PPARGC1B: variants seen among roughly 807,000 people sequenced by gnomAD.
PPARGC1B encodes the protein PPARG coactivator 1 beta.
A neutral mutation model predicts 101.6 loss-of-function variants in PPARGC1B; 34 were observed. The ratio of observed to expected loss-of-function variants is 0.33; its 90% confidence interval spans 0.25 to 0.45. The LOEUF is 0.45. Among genes scored for constraint, PPARGC1B ranks in the 20% least tolerant of loss-of-function variants. The pLI, the probability that PPARGC1B is intolerant of heterozygous loss-of-function variation, is 1.00. For synonymous variants in PPARGC1B, 548 were observed against 539.3 expected, an observed-to-expected ratio of 1.02 and a Z score of -0.22; for missense variants, 1,234 against 1,317.6, an observed-to-expected ratio of 0.94 and a Z score of 0.98.
In PPARGC1B at chr5:149,756,604, A is replaced by C. The variant is rs1363445727; in HGVS notation, c.78+26184A>C. 2.0e-5 allele frequency among the ~76,000 whole-genome samples: 3 copies of C among 152,234 alleles called. No individual in the cohort carries two copies. The East Asian group carries it at 5.8e-4, about 29-fold the overall frequency. Reference sequence around the variant, plus strand: ...GGCCTCGGGGACCAGCGTCAGGTCTAAATGTCAATTCTGTTGTCCCCTCCT... The same window carrying C: ...GGCCTCGGGGACCAGCGTCAGGTCTCAATGTCAATTCTGTTGTCCCCTCCT... On this transcript the variant is annotated intron_variant, in intron 1 of 11. Transcript: ENST00000309241.
intron 1 of PPARGC1B, among the ~76,000 whole-genome samples, chr5:149,807,617 G>GT (rs2113310652): frequency 6.6e-6 from 1 of 152,266 alleles, no homozygotes; most frequent in Non-Finnish European, 1.5e-5. Flanking sequence ...TAGGGCACGT[G>GT]TTTTGTAACT....
intron 1 of PPARGC1B, among the ~76,000 whole-genome samples, chr5:149,772,875 G>C (rs998217513): frequency 1.3e-5 from 2 of 152,160 alleles, no homozygotes; most frequent in South Asian, 2.1e-4. Flanking sequence ...TGGTGTGACA[G>C]TGTTTGTGAC....
chr5:149,833,509 C>T lies in PPARGC1B; in HGVS notation c.1436C>T (p.Ser479Phe). ...LESSVCPVRRSRRLNPELGPW... is the reference protein window; with the variant it reads ...LESSVCPVRRFRRLNPELGPW... ...AGCTCTGTGTGCCCCGTGCGGCGTT[C>T]TCGGAGACTGAACCCTGAGCTGGGC... The change falls in exon 5 of 12, where the codon TCT becomes TTT. Residue 479 changes from serine (S) to phenylalanine (F), a missense_variant. By Grantham distance (155) the Ser-to-Phe change is radical (BLOSUM62 -2). Around this residue, in one of 3 missense-constraint regions of PPARGC1B, gnomAD observed 734 missense variants for 768.4 expected, o/e 0.96. Coordinates refer to ENST00000309241, the MANE Select transcript of PPARGC1B (RefSeq NM_133263.4). The surrounding 1 kb of genome is among the most constrained non-coding windows in gnomAD (Gnocchi z 4.1). 6.4e-7 allele frequency: 1 copy of T among 1,566,218 alleles called. No individual in the cohort carries two copies. The highest frequency in any genetic ancestry group is 1.2e-5 in the South Asian group (1 of 85,544).
At chr5:149,794,523 T>TACACACAC (rs1757135699) in intron 1 of PPARGC1B, among the ~76,000 whole-genome samples, 1 of 57,058 alleles carries the variant, frequency 1.8e-5, no homozygotes. Context: ...TATGTGAGCG[T>TACACACAC]GCACACACAC....
chr5:149,798,501 TG>T (rs1173982206), intron 1 of PPARGC1B, among the ~76,000 whole-genome samples: 1 of 152,202 alleles, frequency 6.6e-6, no homozygotes, highest in African/African-American at 2.4e-5. Context: ...TCCAGGTATG[TG>T]ATCAGAGATA....
intron 1 of PPARGC1B, among the ~76,000 whole-genome samples, chr5:149,809,161 A>C (rs970575940): frequency 2.3e-4 from 28 of 123,150 alleles, no homozygotes; most frequent in African/African-American, 6.4e-4. Context: ...ATAGATAGAT[A>C]GATCCATCTC....
At chr5:149,838,276 G>T (rs997040130) in intron 8 of PPARGC1B, among the ~76,000 whole-genome samples, 7 of 152,060 alleles carry the variant, frequency 4.6e-5, no homozygotes, top group Non-Finnish European at 8.8e-5. Flanking sequence ...AATTTTAGGG[G>T]GTTTGTGGGC....
In PPARGC1B at chr5:149,745,227, T is replaced by G. The variant is rs192857125; in HGVS notation, c.78+14807T>G. On this transcript the variant is annotated intron_variant, in intron 1 of 11. Coordinates refer to ENST00000309241, the MANE Select transcript of PPARGC1B (RefSeq NM_133263.4). ...GCTTTGTGACTTTTTAGTTGTGTGA[T>G]CTAAGGAGTTAGATAGCTGCTCTGT... 1.6e-4 allele frequency among the ~76,000 whole-genome samples: 24 copies of G among 152,268 alleles called. No homozygotes were observed. In the Middle Eastern group the frequency reaches 0.014, roughly 86 times the overall value.
chr5:149,820,787 A>G (rs780895824), intron 2 of PPARGC1B, among the ~76,000 whole-genome samples, 181 bp downstream of exon 2: 5 of 152,156 alleles, frequency 3.3e-5, no homozygotes, highest in African/African-American at 2.4e-5. Flanking sequence ...CGCAGCGCAC[A>G]TGCCTCACCT....
intron 1 of PPARGC1B, among the ~76,000 whole-genome samples, chr5:149,737,564 G>T (rs1238476921): frequency 6.6e-6 from 1 of 152,194 alleles, no homozygotes; most frequent in Non-Finnish European, 1.5e-5. Context: ...CGCAGGGCCA[G>T]CAGAGCACTG....
intron 1 of PPARGC1B, among the ~76,000 whole-genome samples, chr5:149,816,030 C>A (rs547747903): frequency 4.1e-4 from 63 of 152,212 alleles, no homozygotes; most frequent in African/African-American, 1.4e-3. Context: ...ACTGGCAGGG[C>A]CTGTGGAAGC....
intron 1 of PPARGC1B, among the ~76,000 whole-genome samples, chr5:149,750,768 C>T (rs989156173): frequency 1.3e-5 from 2 of 152,192 alleles, no homozygotes; most frequent in African/African-American, 2.4e-5. Flanking sequence ...ATCTCTGGCC[C>T]GCACCAGCTG....
At chr5:149,791,772 G>A (rs909638892) in intron 1 of PPARGC1B, among the ~76,000 whole-genome samples, 1 of 152,174 alleles carries the variant, frequency 6.6e-6, no homozygotes, top group Non-Finnish European at 1.5e-5. Flanking sequence ...TTGGCCTGGT[G>A]TCCAGCAGTA....
At chr5:149,795,480 C>T (rs1382559224) in intron 1 of PPARGC1B, among the ~76,000 whole-genome samples, 1 of 152,162 alleles carries the variant, frequency 6.6e-6, no homozygotes, top group Non-Finnish European at 1.5e-5. Flanking sequence ...TGGAGAATTA[C>T]CTAAGAGAGG....
intron 1 of PPARGC1B, among the ~76,000 whole-genome samples, chr5:149,747,909 G>A (rs574811639): frequency 2.6e-5 from 4 of 152,158 alleles, no homozygotes; most frequent in African/African-American, 9.7e-5. Flanking sequence ...TGAGAGGCTA[G>A]AGCAGGCCCA....
At chr5:149,768,288 T>G (rs1755992565) in intron 1 of PPARGC1B, among the ~76,000 whole-genome samples, 1 of 152,182 alleles carries the variant, frequency 6.6e-6, no homozygotes, top group South Asian at 2.1e-4. Context: ...GATAGGGTTT[T>G]TCTTTAGACA....
intron 1 of PPARGC1B, among the ~76,000 whole-genome samples, chr5:149,782,820 A>G (rs764336551): frequency 2.6e-5 from 4 of 152,184 alleles, no homozygotes; most frequent in Non-Finnish European, 5.9e-5. Context: ...CAGGTTCCCT[A>G]TTGTGAACCC....
At chr5:149,772,742 T>A (rs1293110395) in intron 1 of PPARGC1B, among the ~76,000 whole-genome samples, 1 of 152,146 alleles carries the variant, frequency 6.6e-6, no homozygotes, top group Non-Finnish European at 1.5e-5. Context: ...ACAGTCACAT[T>A]TTGAGGTAGT....
intron 1 of PPARGC1B, among the ~76,000 whole-genome samples, chr5:149,793,604 C>G (rs1757102276): frequency 6.6e-6 from 1 of 152,152 alleles, no homozygotes; most frequent in African/African-American, 2.4e-5. Context: ...CTGTTGTACC[C>G]CAAACCATTC....
Sources: allele counts gnomAD v4.1 joint callset (sites outside exome capture counted in the v4.1 genomes callset), GRCh38; gene constraint gnomAD v4.1.1; regional missense constraint gnomAD v4.1.1; non-coding constraint Gnocchi (gnomAD v3.1); transcripts MANE v1.5; gene names NCBI Gene and HGNC (gene_info 2026-07-23, HGNC 2026-07-21).